Variants in TRNT1 observed in about 807,000 individuals in gnomAD.
TRNT1 encodes the protein CCA tRNA nucleotidyltransferase 1, mitochondrial.
A neutral mutation model predicts 45.6 loss-of-function variants in TRNT1; 44 were observed. The ratio of observed to expected loss-of-function variants is 0.97; its 90% CI spans 0.76 to 1.24. The LOEUF (loss-of-function observed/expected upper bound fraction) is 1.24. Among genes scored for constraint, TRNT1 ranks in the 50% most tolerant of loss-of-function variants. The pLI, the probability that TRNT1 is intolerant of heterozygous loss-of-function variation, is 0.00. For synonymous variants in TRNT1, 201 were observed against 171.4 expected, an observed-to-expected ratio of 1.17 and a Z score of -1.35; for missense variants, 633 against 504.4, an observed-to-expected ratio of 1.25 and a Z score of -2.44.
At chr3:3,134,117 A>G (rs1293101947) in intron 2 of TRNT1, among the ~76,000 whole-genome samples, 7 of 152,146 alleles carry the variant, frequency 4.6e-5, no homozygotes, top group Non-Finnish European at 1.0e-4. Context: ...TTAAGTTTAC[A>G]GTTAAATTTA....
At chr3:3,136,514 T>C (rs1031933090) in intron 2 of TRNT1, among the ~76,000 whole-genome samples, 1 of 152,222 alleles carries the variant, frequency 6.6e-6, no homozygotes, top group Non-Finnish European at 1.5e-5. Flanking sequence ...TATAGACTAA[T>C]GTCTGATAGT....
At chr3:3,136,144 C>T (rs1366504673) in intron 2 of TRNT1, among the ~76,000 whole-genome samples, 1 of 152,090 alleles carries the variant, frequency 6.6e-6, no homozygotes, top group Non-Finnish European at 1.5e-5. Flanking sequence ...GGACAGTGTT[C>T]ATGTTTCGTG....
chr3:3,146,403 A>G, intron 5 of TRNT1, 27 bp from the exon 6 acceptor site: 2 of 1,582,794 alleles, frequency 1.3e-6, no homozygotes, highest in Admixed American at 3.5e-5. Flanking sequence ...TATAGAGGTA[A>G]TACCCTGTGA....
chr3:3,153,204 T>A (rs1001827245), downstream of TRNT1: 2 of 492,060 alleles, frequency 4.1e-6, no homozygotes, highest in African/African-American at 3.9e-5. Context: ...TGTTTTACTT[T>A]ACCATGCTCA....
In TRNT1 at chr3:3,140,590, A is replaced by G; in HGVS notation, c.423A>G (p.Thr141=). 1 of 1,614,216 alleles carries G rather than the reference A, an allele frequency of 6.2e-7. No homozygotes were observed. The highest frequency in any genetic ancestry group is 1.1e-5 in the South Asian group (1 of 91,088). The part of the protein sequence containing the change: ...TDGRHAEVEF[T]TDWQKDAERR... ...GAAGACATGCTGAGGTAGAATTTAC[A>G]ACTGACTGGCAGAAAGATGCGGAAC... Residue 141 remains threonine (T), a synonymous_variant, in exon 4 of 8, where the codon ACA becomes ACG. Coordinates refer to ENST00000251607, the MANE Select transcript of TRNT1 (RefSeq NM_182916.3).
intron 2 of TRNT1, among the ~76,000 whole-genome samples, chr3:3,136,043 TAATG>T (rs946298287): frequency 5.9e-5 from 9 of 152,168 alleles, no homozygotes; most frequent in Admixed American, 5.2e-4. Flanking sequence ...GGTGTCTTAA[TAATG>T]GTTTCCTAGA....
chr3:3,140,466 A>G, intron 3 of TRNT1, 44 bp from the exon 4 acceptor site: 1 of 1,597,208 alleles, frequency 6.3e-7, no homozygotes, highest in Non-Finnish European at 8.5e-7. Flanking sequence ...TAGTATGAAA[A>G]CCTAATTTAA....
chr3:3,150,222 C>CAATA (rs1156322094), downstream of TRNT1: 1 of 152,296 alleles, frequency 6.6e-6, no homozygotes, highest in African/African-American at 2.4e-5. Context: ...AGCAAATACA[C>CAATA]AATACTACTT....
chr3:3,130,285 G>T, intron 2 of TRNT1: 1 of 262,982 alleles, frequency 3.8e-6, no homozygotes, highest in Non-Finnish European at 7.3e-6. Context: ...ATCTCTGGGT[G>T]GGATGACCAT....
chr3:3,151,189 G>T (rs553149100), downstream of TRNT1: 20 of 840,734 alleles, frequency 2.4e-5, no homozygotes, highest in Admixed American at 2.2e-4. Flanking sequence ...ACAGTTCCCT[G>T]AAACCTAAAA....
At chr3:3,150,599 C>T (rs1706456588), downstream of TRNT1, 1 of 370,386 alleles carries the variant, frequency 2.7e-6, no homozygotes, top group African/African-American at 2.1e-5. Context: ...TGCTACCAGA[C>T]ATATCAGATT....
At chr3:3,136,730 C>T (rs1399354434) in intron 2 of TRNT1, 2 of 406,150 alleles carry the variant, frequency 4.9e-6, no homozygotes, top group South Asian at 1.8e-5. Flanking sequence ...TCATAGCTCA[C>T]CGCAGCCTTG....
chr3:3,132,606 G>A (rs1488978962), intron 2 of TRNT1, among the ~76,000 whole-genome samples: 16 of 105,858 alleles, frequency 1.5e-4, no homozygotes, highest in South Asian at 1.5e-3. Flanking sequence ...TGGGTGCAGC[G>A]CACCAGCATG....
Position 3,140,668 on chromosome 3 carries a change from C to T in TRNT1, c.481+20C>T, listed in dbSNP as rs575404057. 8 of 1,611,460 alleles carry T rather than the reference C, an allele frequency of 5.0e-6. No homozygotes were observed. In the African/African-American group the frequency reaches 6.7e-5, roughly 13 times the overall value. On this transcript the variant is annotated intron_variant, in intron 4 of 7. Coordinates refer to ENST00000251607, the MANE Select transcript of TRNT1 (RefSeq NM_182916.3). ...TTTTAGGTAATATTTGCAGATAAAA[C>T]CATATTGTGAGTCTATCAGAATGCC...
chr3:3,132,747 C>CA (rs573158252), intron 2 of TRNT1, among the ~76,000 whole-genome samples: 23,881 of 94,818 alleles, frequency 0.25, 2,693 homozygotes, highest in East Asian at 0.67. Flanking sequence ...AAAAAAAACA[C>CA]AAAAAAAAAA....
Position 3,144,589 on chromosome 3 carries a change from G to T in TRNT1, c.487G>T (p.Asp163Tyr). 1.3e-6 allele frequency: 2 copies of T among 1,578,096 alleles called. No individual in the cohort carries two copies. The highest frequency in any genetic ancestry group is 2.3e-5 in the South Asian group (2 of 86,040). The change falls in exon 5 of 8, where the codon GAT becomes TAT. Residue 163 changes from aspartate (D) to tyrosine (Y), a missense_variant. Transcript: ENST00000251607. ...LTINSMFLGFDGTLFDYFNGY... is the reference protein window; with the variant it reads ...LTINSMFLGFYGTLFDYFNGY... ...CCTCCTTTTCTAATGAATAGGTTTTGATGGCACTTTATTTGACTACTTTAA... is the reference window on the plus strand; with the variant it reads ...CCTCCTTTTCTAATGAATAGGTTTTTATGGCACTTTATTTGACTACTTTAA...
chr3:3,151,502 A>AAAAACTAC (rs3840225), downstream of TRNT1, among the ~76,000 whole-genome samples: 109,900 of 151,814 alleles, frequency 0.72, 41,480 homozygotes, highest in Middle Eastern at 0.87. Flanking sequence ...GTAAATATTT[A>AAAAACTAC]TATTCTAAAA....
intron 2 of TRNT1, among the ~76,000 whole-genome samples, chr3:3,134,404 T>G (rs562035310): frequency 6.6e-6 from 1 of 152,318 alleles, no homozygotes; most frequent in East Asian, 1.9e-4. Context: ...ATGGCAAGGT[T>G]TTTGGAATGG....
chr3:3,130,031 C>CTG lies in TRNT1; in HGVS notation c.148+843_148+844insTG, dbSNP rs55981857. On this transcript the variant is annotated intron_variant, in intron 2 of 7. Transcript: ENST00000251607. ...ATAGGAAATGGCTTTAGCTAAGTGC[C>CTG]AGTAGCTTCTTGCTGTTGCCACAGT... The CTG allele has an allele frequency of 1.4e-5, 21 of 1,486,872 alleles. No homozygotes were observed. The African/African-American group carries it at 2.4e-4, about 17-fold the overall frequency. 92.1% of individuals were successfully genotyped at this position (1,486,872 alleles called of 1,614,324 possible). A position where few individuals can be genotyped will look rare whatever the true frequency, so the allele number is the denominator to read the frequency against.
Sources: allele counts gnomAD v4.1 joint callset (sites outside exome capture counted in the v4.1 genomes callset), GRCh38; gene constraint gnomAD v4.1.1; transcripts MANE v1.5; gene names NCBI Gene and HGNC (gene_info 2026-07-23, HGNC 2026-07-21).